The following NUP210 variants were observed in gnomAD, a reference collection of about 807,000 sequenced individuals.
NUP210 encodes the protein nucleoporin 210, also known as nuclear pore membrane glycoprotein 210.
In NUP210, 151 loss-of-function variants were observed where a neutral mutation model predicts 196.0. The observed-to-expected ratio is 0.77, with a 90% CI of 0.67 to 0.88. The LOEUF is 0.88. Among genes scored for constraint, NUP210 ranks in the 40% least tolerant of loss-of-function variants. The pLI is 0.00. For synonymous variants in NUP210, 1,070 were observed against 1,052.7 expected, an observed-to-expected ratio of 1.02 and a Z score of -0.32; for missense variants, 2,314 against 2,493.7, an observed-to-expected ratio of 0.93 and a Z score of 1.53.
chr3:13,392,437 T>G (rs1699521659), intron 3 of NUP210, among the ~76,000 whole-genome samples: 2 of 152,230 alleles, frequency 1.3e-5, no homozygotes, highest in Non-Finnish European at 2.9e-5. Context: ...AGATTTTTTC[T>G]TAGAGGTCCA....
rs953957778 is a variant in NUP210, at chr3:13,350,841, C to T, written c.2835+1038G>A. Reference sequence around the variant, plus strand: ...CCGAGTAGCTGGGAATACAGGCGCCCGCCACTACGCCTGGCTAATTTTTTT... The same window carrying T: ...CCGAGTAGCTGGGAATACAGGCGCCTGCCACTACGCCTGGCTAATTTTTTT... On this transcript the variant is annotated intron_variant, in intron 20 of 39. Transcript: ENST00000254508. The surrounding 1 kb of genome is among the most constrained non-coding windows in gnomAD (Gnocchi z 4.1). 6.6e-6 allele frequency among the ~76,000 whole-genome samples: 1 copy of T among 151,742 alleles called. No individual in the cohort carries two copies.
chr3:13,353,771 G>A, intron 17 of NUP210, 111 bp from the exon 18 acceptor site: 1 of 1,242,044 alleles, frequency 8.1e-7, no homozygotes, highest in Non-Finnish European at 1.2e-6. Context: ...AGACAACTGT[G>A]TGTGTTGAAA....
At position 13,392,719 on chromosome 3, in the gene NUP210, T is replaced by C. The variant is rs114884266; in HGVS notation, c.437-1412A>G. Among the ~76,000 whole-genome samples, 293 of 152,318 alleles carry C rather than the reference T, an allele frequency of 1.9e-3. 2 individuals are homozygous for C. Among genetic ancestry groups the C allele is most frequent in the African/African-American group, 6.7e-3 (279 of 41,562 alleles). On this transcript the variant is annotated intron_variant, in intron 3 of 39. Coordinates refer to ENST00000254508, the MANE Select transcript of NUP210 (RefSeq NM_024923.4). ...TCAACAGCTCTGACTGTGAGAACCT[T>C]CTTCTGCACACTGAGCTGAAACAGG...
intron 28 of NUP210, 31 bp downstream of exon 28, chr3:13,335,423 C>T: frequency 6.2e-7 from 1 of 1,600,326 alleles, no homozygotes; most frequent in Non-Finnish European, 8.6e-7. Flanking sequence ...TCCTCTCCCC[C>T]TTCCCTGTGG....
intron 11 of NUP210, among the ~76,000 whole-genome samples, chr3:13,374,884 C>G (rs1698846747): frequency 6.6e-6 from 1 of 152,226 alleles, no homozygotes; most frequent in South Asian, 2.1e-4. Flanking sequence ...GACAGCAGGA[C>G]TGATGTGCCC....
chr3:13,401,263 A>AAAAAAAAAAAAAAAAAAAC (rs1699830025), intron 1 of NUP210, among the ~76,000 whole-genome samples: 1 of 146,720 alleles, frequency 6.8e-6, no homozygotes, highest in African/African-American at 2.5e-5. Context: ...CTGGCTCAAA[A>AAAAAAAAAAAAAAAAAAAC]AAAAAAAAAA....
Position 13,342,036 on chromosome 3 carries a change from C to G in NUP210, c.3052G>C (p.Asp1018His), listed in dbSNP as rs948237861. The G allele has an allele frequency of 4.3e-6, 7 of 1,614,016 alleles. No homozygotes were observed. In the African/African-American group the frequency reaches 9.3e-5, roughly 22 times the overall value. Reference protein sequence around the residue: ...PFLAKYFPFMDLKLRAASPII... With the variant: ...PFLAKYFPFMHLKLRAASPII... ...GGGGAGGCTGCTCGGAGCTTCAGGTCCATAAAGGGGAAGTATTTGGCAAGG... is the reference window on the plus strand; with the variant it reads ...GGGGAGGCTGCTCGGAGCTTCAGGTGCATAAAGGGGAAGTATTTGGCAAGG... The change falls in exon 22 of 40, where the codon GAC becomes CAC. Residue 1018 changes from aspartate (D) to histidine (H), a missense_variant. Physicochemically the swap from Asp to His is moderately conservative, Grantham distance 81 (BLOSUM62 -1). Coordinates refer to ENST00000254508, the MANE Select transcript of NUP210 (RefSeq NM_024923.4).
chr3:13,348,496 A>G lies in NUP210; in HGVS notation c.2835+3383T>C, dbSNP rs1234041294. ...ACTTGGAACTCCCCTCTTCTTGGTA[A>G]TGGGGAAGTTTTTATTAATTTCCAA... On this transcript the variant is annotated intron_variant, in intron 20 of 39. Transcript: ENST00000254508. The surrounding 1 kb of genome is among the most constrained non-coding windows in gnomAD (Gnocchi z 4.0). 3.0e-6 allele frequency: 3 copies of G among 985,266 alleles called. No homozygotes were observed. Among genetic ancestry groups the G allele is most frequent in the African/African-American group, 1.7e-5 (1 of 57,220 alleles). 61.0% of individuals were successfully genotyped at this position (985,266 alleles called of 1,614,324 possible).
At chr3:13,397,283 G>C in intron 3 of NUP210, 74 bp downstream of exon 3, 1 of 1,531,440 alleles carries the variant, frequency 6.5e-7, no homozygotes, top group Admixed American at 2.1e-5. Context: ...GGGGAATGCA[G>C]AGAGGCCAGA....
chr3:13,371,169 C>T (rs184950927), intron 13 of NUP210, among the ~76,000 whole-genome samples: 375 of 152,334 alleles, frequency 2.5e-3, no homozygotes, highest in African/African-American at 8.7e-3. Context: ...GCCCGTTTCA[C>T]AGGTGAGTAA....
chr3:13,353,482 T>C, intron 18 of NUP210, 72 bp downstream of exon 18: 1 of 1,239,050 alleles, frequency 8.1e-7, no homozygotes, highest in Non-Finnish European at 1.2e-6. Context: ...TGATACCCGG[T>C]GGAATTTAAG....
chr3:13,356,071 A>C (rs1698162912), intron 16 of NUP210, among the ~76,000 whole-genome samples: 1 of 152,160 alleles, frequency 6.6e-6, no homozygotes, highest in South Asian at 2.1e-4. Flanking sequence ...CTGGTGTCTC[A>C]ATCTGGGGAC....
chr3:13,398,631 T>C (rs1326833974), intron 2 of NUP210, among the ~76,000 whole-genome samples: 1 of 152,080 alleles, frequency 6.6e-6, no homozygotes, highest in African/African-American at 2.4e-5. Context: ...GTTAAGAATA[T>C]TATTTGGGCC....
intron 8 of NUP210, among the ~76,000 whole-genome samples, chr3:13,378,253 A>G (rs1042243331): frequency 2.0e-5 from 3 of 152,184 alleles, no homozygotes; most frequent in Non-Finnish European, 4.4e-5. Flanking sequence ...CGCCAGGACC[A>G]ACCCTGGACT....
intron 28 of NUP210, among the ~76,000 whole-genome samples, chr3:13,334,147 C>T (rs917392446): frequency 3.3e-5 from 5 of 152,178 alleles, no homozygotes; most frequent in East Asian, 1.9e-4. Context: ...AAATAAAACA[C>T]GTTTGTAGGC....
Position 13,323,548 on chromosome 3 carries a change from G to A in NUP210, c.4645-116C>T. The stretch of plus-strand genomic sequence containing the variant: ...CATAGTGTCACCCGTTTCACAGGTG[G>A]CAACACTGAGGCTCAAAGCCTAAAC... On this transcript the variant is annotated intron_variant, in intron 33 of 39. Transcript: ENST00000254508. This position sits in a 1 kb window ranked among gnomAD's most constrained non-coding sequence, Gnocchi z 4.3. 2 of 1,186,926 alleles carry A rather than the reference G, an allele frequency of 1.7e-6. No individual in the cohort carries two copies. Among genetic ancestry groups the A allele is most frequent in the African/African-American group, 1.5e-5 (1 of 65,718 alleles). 73.5% of individuals were successfully genotyped at this position (1,186,926 alleles called of 1,614,324 possible). A position where few individuals can be genotyped will look rare whatever the true frequency, so the allele number is the denominator to read the frequency against.
At position 13,327,832 on chromosome 3, in the gene NUP210, G is replaced by A. The variant is rs1696830980; in HGVS notation, c.4287-395C>T. Among the ~76,000 whole-genome samples, 6 of 152,366 alleles carry A rather than the reference G, an allele frequency of 3.9e-5. No homozygotes were observed. The South Asian group carries it at 1.2e-3, about 32-fold the overall frequency. On this transcript the variant is annotated intron_variant, in intron 31 of 39. Coordinates refer to ENST00000254508, the MANE Select transcript of NUP210 (RefSeq NM_024923.4). ...ACTATGCAACCTGACTGCAGAAGCA[G>A]CCTCTGCCCCTTTCCTCCTCTGAAA... is the stretch of plus-strand genomic sequence containing the variant.
chr3:13,354,889 C>G (rs1027875136), intron 16 of NUP210, among the ~76,000 whole-genome samples: 11 of 152,216 alleles, frequency 7.2e-5, no homozygotes, highest in African/African-American at 2.7e-4. Context: ...TCTCGCTCCC[C>G]GAGCGGACTC....
intron 26 of NUP210, among the ~76,000 whole-genome samples, 161 bp downstream of exon 26, chr3:13,337,676 A>C (rs1012415047): frequency 1.3e-5 from 2 of 152,230 alleles, no homozygotes; most frequent in East Asian, 3.9e-4. Context: ...GCTACCAGAG[A>C]GCAATGGAGG....
Sources: allele counts gnomAD v4.1 joint callset (sites outside exome capture counted in the v4.1 genomes callset), GRCh38; gene constraint gnomAD v4.1.1; non-coding constraint Gnocchi (gnomAD v3.1); transcripts MANE v1.5; gene names NCBI Gene and HGNC (gene_info 2026-07-23, HGNC 2026-07-21).